Variants in FAM114A1 observed in about 807,000 individuals in gnomAD.
The protein encoded by FAM114A1 is protein NOXP20.
FAM114A1 carries 62 observed loss-of-function variants against 64.3 expected under a neutral mutation model. That is an observed-to-expected ratio of 0.96 (90% CI 0.79 to 1.19). The LOEUF is 1.19. Ranked by LOEUF, FAM114A1 falls within the 50% of genes most tolerant of loss-of-function variation. The pLI, the probability that FAM114A1 is intolerant of heterozygous loss-of-function variation, is 0.00. For synonymous variants in FAM114A1, 254 were observed against 251.1 expected (o/e 1.01, Z -0.11); for missense variants, 645 against 676.3 (o/e 0.95, Z 0.51).
intron 8 of FAM114A1, among the ~76,000 whole-genome samples, chr4:38,922,400 A>G (rs12513061): frequency 0.22 from 33,894 of 152,218 alleles, 3,969 homozygotes; most frequent in Middle Eastern, 0.31. Flanking sequence ...ACCGAAGGTC[A>G]TAGTAAGTGA....
In FAM114A1 at chr4:38,878,059, T is replaced by C. The variant is rs1553862808; in HGVS notation, c.-8-12T>C. The C allele has an allele frequency of 2.5e-6, 4 of 1,574,402 alleles. No individual in the cohort carries two copies. The highest frequency in any genetic ancestry group is 3.5e-6 in the Non-Finnish European group (4 of 1,155,602). On this transcript the variant is annotated splice_polypyrimidine_tract_variant and intron_variant, in intron 2 of 14. Coordinates refer to ENST00000358869, the MANE Select transcript of FAM114A1 (RefSeq NM_138389.4). ...CGATGAAAGCATGAGGTGTTTATAA[T>C]TGTGTTGACAGATACTAAAATGTCT...
At chr4:38,893,461 T>C (rs190672371) in intron 4 of FAM114A1, among the ~76,000 whole-genome samples, 5 of 152,346 alleles carry the variant, frequency 3.3e-5, no homozygotes, top group African/African-American at 9.6e-5. Flanking sequence ...CTAGTATAGA[T>C]GGAGGACTTA....
intron 2 of FAM114A1, among the ~76,000 whole-genome samples, chr4:38,874,529 CT>C (rs1364546618): frequency 6.6e-6 from 1 of 151,734 alleles, no homozygotes; most frequent in Non-Finnish European, 1.5e-5. Flanking sequence ...TTGTTTTTTG[CT>C]TGTTGATTTA....
chr4:38,889,019 G>A (rs774599322), intron 3 of FAM114A1, among the ~76,000 whole-genome samples: 5 of 152,170 alleles, frequency 3.3e-5, no homozygotes, highest in Non-Finnish European at 7.3e-5. Context: ...ACAGCTCAAT[G>A]TCAAAGGACT....
intron 8 of FAM114A1, among the ~76,000 whole-genome samples, chr4:38,916,881 C>T (rs1180591713): frequency 1.3e-5 from 2 of 152,156 alleles, no homozygotes; most frequent in East Asian, 3.8e-4. Flanking sequence ...CCTCCCACTG[C>T]ACAGAATTCA....
At chr4:38,877,878 C>T (rs112808508) in intron 2 of FAM114A1, among the ~76,000 whole-genome samples, 193 bp from the exon 3 acceptor site, 1,807 of 151,148 alleles carry the variant, frequency 0.012, 15 homozygotes, top group South Asian at 0.035. Context: ...GCAGGAGAAT[C>T]GCTTGAACCT....
chr4:38,920,121 C>T (rs1264018048), intron 8 of FAM114A1, among the ~76,000 whole-genome samples: 4 of 151,742 alleles, frequency 2.6e-5, no homozygotes, highest in Non-Finnish European at 4.4e-5. Context: ...GCAGGAGAAT[C>T]GCTTGAACCC....
intron 13 of FAM114A1, 80 bp downstream of exon 13, chr4:38,935,870 CT>C: frequency 1.0e-6 from 1 of 976,100 alleles, no homozygotes; most frequent in Non-Finnish European, 1.6e-6. Context: ...GCAGCGCCTT[CT>C]TTAGTAGCTC....
At chr4:38,872,742 A>G (rs1300307061) in intron 2 of FAM114A1, among the ~76,000 whole-genome samples, 1 of 152,226 alleles carries the variant, frequency 6.6e-6, no homozygotes, top group Non-Finnish European at 1.5e-5. Context: ...AACCGGCCAG[A>G]TAGTAAATAT....
At chr4:38,903,027 CT>C (rs200224993) in intron 4 of FAM114A1, among the ~76,000 whole-genome samples, 4 of 150,774 alleles carry the variant, frequency 2.7e-5, no homozygotes, top group Non-Finnish European at 4.4e-5. Flanking sequence ...TTTTTTGTTT[CT>C]TTTTTTTTGT....
At chr4:38,924,715 C>T (rs1276554289) in intron 9 of FAM114A1, among the ~76,000 whole-genome samples, 2 of 152,156 alleles carry the variant, frequency 1.3e-5, no homozygotes, top group African/African-American at 4.8e-5. Flanking sequence ...GGATGACAGC[C>T]TTGTCTTTGT....
intron 4 of FAM114A1, among the ~76,000 whole-genome samples, chr4:38,902,488 C>G (rs970268967): frequency 1.3e-5 from 2 of 152,162 alleles, no homozygotes; most frequent in African/African-American, 4.8e-5. Flanking sequence ...AAATCCTCCA[C>G]AAGACTCCTG....
rs891895043 is a variant in FAM114A1 at position 38,931,696 on chromosome 4, C to T, written c.1323+84C>T. ...CAGCTTAATTTTAATTGAGGAGAGG[C>T]CATTTCTTTTTCATTTGTTCCGTGT... On this transcript the variant is annotated intron_variant, in intron 11 of 14. Coordinates refer to ENST00000358869, the MANE Select transcript of FAM114A1 (RefSeq NM_138389.4). The T allele has an allele frequency of 1.5e-5, 20 of 1,368,884 alleles. No individual in the cohort carries two copies. The South Asian group carries it at 2.5e-4, about 17-fold the overall frequency. 84.8% of individuals were successfully genotyped at this position (1,368,884 alleles called of 1,614,324 possible).
At chr4:38,919,936 C>T (rs1183421029) in intron 8 of FAM114A1, among the ~76,000 whole-genome samples, 1 of 152,108 alleles carries the variant, frequency 6.6e-6, no homozygotes, top group Non-Finnish European at 1.5e-5. Context: ...TTCGGCTGGG[C>T]GCGATGGCAC....
At chr4:38,900,564 T>C (rs1415293301) in intron 4 of FAM114A1, among the ~76,000 whole-genome samples, 1 of 152,158 alleles carries the variant, frequency 6.6e-6, no homozygotes, top group Non-Finnish European at 1.5e-5. Context: ...TTATTCAGAT[T>C]TTAAAAAGAA....
Position 38,891,744 on chromosome 4 carries a change from C to T in FAM114A1, c.350C>T (p.Ala117Val), listed in dbSNP as rs1716416989. ...EIPLQEQNYL[A>V]VDSPPSGGGW... The stretch of plus-strand genomic sequence containing the variant: ...TGTGGCTAATTTGTTTTTCTCCAGG[C>T]TGTGGATTCCCCTCCAAGTGGAGGA... The change falls in exon 4 of 15, where the codon GCT becomes GTT. Residue 117 changes from alanine (A) to valine (V), a missense_variant and splice_region_variant. Coordinates refer to ENST00000358869, the MANE Select transcript of FAM114A1 (RefSeq NM_138389.4). 5.0e-6 allele frequency: 8 copies of T among 1,604,786 alleles called. No individual in the cohort carries two copies. In the East Asian group the frequency reaches 1.6e-4, roughly 32 times the overall value.
chr4:38,926,028 C>G (rs1720061685), intron 9 of FAM114A1, among the ~76,000 whole-genome samples: 1 of 152,232 alleles, frequency 6.6e-6, no homozygotes, highest in Middle Eastern at 3.2e-3. Flanking sequence ...CAGTGTAGCA[C>G]ATAATTTGTT....
At chr4:38,899,258 A>T (rs1485719030) in intron 4 of FAM114A1, among the ~76,000 whole-genome samples, 1 of 152,192 alleles carries the variant, frequency 6.6e-6, no homozygotes, top group Non-Finnish European at 1.5e-5. Flanking sequence ...CAGTGTCGTT[A>T]CAGCAGAGGT....
At position 38,929,280 on chromosome 4, in the gene FAM114A1, A is replaced by G. The variant is rs779361483; in HGVS notation, c.1108A>G (p.Thr370Ala). 6.2e-6 allele frequency: 10 copies of G among 1,614,106 alleles called. No homozygotes were observed. Among genetic ancestry groups the G allele is most frequent in the Non-Finnish European group, 7.6e-6 (9 of 1,179,930 alleles). ...EKGEEFARMLTELLFELHVAA... is the reference protein window; with the variant it reads ...EKGEEFARMLAELLFELHVAA... ...GGGAGAAGAATTTGCTCGCATGCTT[A>G]CAGAGCTTCTCTTTGAATTACATGT... Residue 370 changes from threonine (T) to alanine (A), a missense_variant, in exon 10 of 15, where the codon ACA (threonine) becomes GCA (alanine). Coordinates refer to ENST00000358869, the MANE Select transcript of FAM114A1 (RefSeq NM_138389.4).
Sources: allele counts gnomAD v4.1 joint callset (sites outside exome capture counted in the v4.1 genomes callset), GRCh38; gene constraint gnomAD v4.1.1; transcripts MANE v1.5; gene names NCBI Gene and HGNC (gene_info 2026-07-23, HGNC 2026-07-21).